Variants in ZNF337 observed in about 807,000 individuals in gnomAD.
ZNF337 encodes the protein zinc finger protein 337.
ZNF337 carries 8 observed loss-of-function variants against 12.1 expected under a neutral mutation model. The observed-to-expected ratio is 0.66, with a 90% CI of 0.39 to 1.19. The LOEUF is 1.19. ZNF337 is among the 50% of genes most tolerant of loss of function. The pLI is 0.01. For missense variants in ZNF337, 882 were observed against 896.6 expected, an observed-to-expected ratio of 0.98 and a Z score of 0.21; for synonymous variants, 336 against 320.0, an observed-to-expected ratio of 1.05 and a Z score of -0.53.
chr20:25,689,223 G>A (rs1032226810), intron 1 of ZNF337, among the ~76,000 whole-genome samples: 5 of 152,016 alleles, frequency 3.3e-5, no homozygotes, highest in Non-Finnish European at 7.4e-5. Context: ...AGAATGGTGT[G>A]AACGTGGGAG....
Position 25,674,776 on chromosome 20 carries a change from A to G in ZNF337, c.*256T>C. On this transcript the variant is annotated 3_prime_UTR_variant, in exon 5 of 5. Transcript: ENST00000252979. ...AATACAACAAGAATATGTGCTCAGTAGGAAAGAGACCACATTTCCCCAATA... is the reference window on the plus strand; with the variant it reads ...AATACAACAAGAATATGTGCTCAGTGGGAAAGAGACCACATTTCCCCAATA... 1.9e-6 allele frequency: 1 copy of G among 536,262 alleles called. No individual in the cohort carries two copies. Among genetic ancestry groups the G allele is most frequent in the Non-Finnish European group, 3.3e-6 (1 of 299,780 alleles). The allele number at this position is 536,262 out of a possible 1,614,324, so 33.2% of individuals were successfully genotyped here.
chr20:25,685,284 A>G (rs1018551294), intron 4 of ZNF337, among the ~76,000 whole-genome samples: 1 of 152,236 alleles, frequency 6.6e-6, no homozygotes, highest in African/African-American at 2.4e-5. Context: ...CAATAGACTT[A>G]GGCTTGCAGT....
At chr20:25,695,582 G>A (rs1415841632) in intron 1 of ZNF337, among the ~76,000 whole-genome samples, 1 of 152,136 alleles carries the variant, frequency 6.6e-6, no homozygotes, top group African/African-American at 2.4e-5. Context: ...GCAGGATCTC[G>A]CTGTGTTACC....
At chr20:25,690,019 C>A (rs1392977348) in intron 1 of ZNF337, among the ~76,000 whole-genome samples, 1 of 152,204 alleles carries the variant, frequency 6.6e-6, no homozygotes, top group East Asian at 1.9e-4. Flanking sequence ...GGCACAGTGG[C>A]TTATTCCTGT....
In ZNF337 at chr20:25,675,962, A is replaced by C; in HGVS notation, c.1326T>G (p.Ile442Met). ...GATGTTTCACAAGGGTTGACTTCTG[A>C]ATAAATCCTTGCCCACATTCTCTAC... ...FVCRECGQGF[I>M]QKSTLVKHQI... The change falls in exon 5 of 5, where the codon ATT (isoleucine) becomes ATG (methionine). Residue 442 changes from isoleucine to methionine, a missense_variant. Coordinates refer to ENST00000252979, the MANE Select transcript of ZNF337 (RefSeq NM_015655.4). The C allele has an allele frequency of 6.2e-7, 1 of 1,610,718 alleles. No individual in the cohort carries two copies. Among genetic ancestry groups the C allele is most frequent in the Non-Finnish European group, 8.5e-7 (1 of 1,178,674 alleles).
chr20:25,695,384 C>T (rs1014571263), intron 1 of ZNF337, among the ~76,000 whole-genome samples: 1 of 152,174 alleles, frequency 6.6e-6, no homozygotes, highest in African/African-American at 2.4e-5. Flanking sequence ...TTGATCTACG[C>T]AATCCCCTTA....
At chr20:25,682,204 G>A (rs887866119) in intron 4 of ZNF337, among the ~76,000 whole-genome samples, 9 of 152,184 alleles carry the variant, frequency 5.9e-5, no homozygotes, top group Middle Eastern at 3.4e-3. Context: ...AATATTAAAC[G>A]AAATAGATTA....
chr20:25,676,452 A>C lies in ZNF337; in HGVS notation c.836T>G (p.Leu279Arg). ...TGTGTGTGTTCTCTCATGCACAGTG[A>C]GGTATGACTTACTGGTATAGCCTCG... The part of the protein sequence containing the change: ...CGRGYTSKSY[L>R]TVHERTHTGE... The change falls in exon 5 of 5, where the codon CTC (leucine) becomes CGC (arginine). Residue 279 changes from leucine to arginine, a missense_variant. Physicochemically the swap from Leu to Arg is moderately radical, Grantham distance 102. Transcript: ENST00000252979. 6.2e-7 allele frequency: 1 copy of C among 1,613,880 alleles called. No individual in the cohort carries two copies. The highest frequency in any genetic ancestry group is 8.5e-7 in the Non-Finnish European group (1 of 1,179,980).
rs2122322792 is a variant in ZNF337, at chr20:25,674,965, C to T, written c.*67G>A. 6.8e-7 allele frequency: 1 copy of T among 1,460,966 alleles called. No homozygotes were observed. The highest frequency in any genetic ancestry group is 1.3e-5 in the South Asian group (1 of 78,036). 90.5% of individuals were successfully genotyped at this position (1,460,966 alleles called of 1,614,324 possible). A position where few individuals can be genotyped will look rare whatever the true frequency, so the allele number is the denominator to read the frequency against. On this transcript the variant is annotated 3_prime_UTR_variant, in exon 5 of 5. Coordinates refer to ENST00000252979, the MANE Select transcript of ZNF337 (RefSeq NM_015655.4). The stretch of plus-strand genomic sequence containing the variant: ...TCACGAACAAGTTATGCAGCCTCAA[C>T]TAAAGCTTGTAACAAAGCAAAGTTA...
Position 25,676,431 on chromosome 20 carries a change from T to C in ZNF337, c.857A>G (p.His286Arg). 1 of 1,614,208 alleles carries C rather than the reference T, an allele frequency of 6.2e-7. No individual in the cohort carries two copies. ...KSYLTVHERT[H>R]TGEKPYECQE... ...GCATTCATAAGGCTTCTCTCCTGTG[T>C]GTGTTCTCTCATGCACAGTGAGGTA... The change falls in exon 5 of 5, where the codon CAC (histidine) becomes CGC (arginine). Residue 286 changes from histidine (H) to arginine (R), a missense_variant. Transcript: ENST00000252979.
At chr20:25,692,922 A>G (rs2065893448) in intron 1 of ZNF337, among the ~76,000 whole-genome samples, 1 of 152,202 alleles carries the variant, frequency 6.6e-6, no homozygotes, top group African/African-American at 2.4e-5. Context: ...AGACTTCACT[A>G]TATACATTTC....
At position 25,675,504 on chromosome 20, in the gene ZNF337, G is replaced by A. The variant is rs2065670402; in HGVS notation, c.1784C>T (p.Ser595Leu). Residue 595 changes from serine to leucine, a missense_variant, in exon 5 of 5, where the codon TCA becomes TTA. Transcript: ENST00000252979. The part of the protein sequence containing the change: ...STLLFHQKTH[S>L]GEKPFICSEC... ...ACTACAGATGAAAGGCTTCTCCCCT[G>A]AGTGTGTCTTCTGGTGGAAGAGGAG... 6 of 1,614,092 alleles carry A rather than the reference G, an allele frequency of 3.7e-6. No homozygotes were observed. The highest frequency in any genetic ancestry group is 2.7e-5 in the African/African-American group (2 of 74,944).
intron 1 of ZNF337, among the ~76,000 whole-genome samples, chr20:25,691,680 G>A (rs1320231155): frequency 3.3e-5 from 5 of 152,118 alleles, no homozygotes; most frequent in Non-Finnish European, 1.5e-5. Flanking sequence ...AAATGGGGGT[G>A]GGGAGGGTAG....
In ZNF337 at chr20:25,692,850, T is replaced by C. The variant is rs534163157; in HGVS notation, c.-50+3909A>G. ...ATATTTCATTAAAATTCTCCTAAGATAAAAAAACAGCTCCTACATTTTTGG... is the reference window on the plus strand; with the variant it reads ...ATATTTCATTAAAATTCTCCTAAGACAAAAAAACAGCTCCTACATTTTTGG... On this transcript the variant is annotated intron_variant, in intron 1 of 4. Coordinates refer to ENST00000252979, the MANE Select transcript of ZNF337 (RefSeq NM_015655.4). Among the ~76,000 whole-genome samples the C allele has an allele frequency of 1.2e-4, 18 of 152,276 alleles. No individual in the cohort carries two copies. The East Asian group carries it at 3.5e-3, about 29-fold the overall frequency.
chr20:25,676,067 C>T lies in ZNF337; in HGVS notation c.1221G>A (p.Lys407=). ...TTTGGCTAAAGCTTCGCTCACAATC[C>T]TTGCACACAAAAGGCTTCTCCCCTG... is the stretch of plus-strand genomic sequence containing the variant. ...THSGEKPFVC[K]DCERSFSQKS... is the part of the protein sequence containing the mutation. Residue 407 remains lysine (K), a synonymous_variant, in exon 5 of 5, where the codon AAG becomes AAA. Transcript: ENST00000252979. The T allele has an allele frequency of 6.2e-7, 1 of 1,613,930 alleles. No homozygotes were observed. Among genetic ancestry groups the T allele is most frequent in the African/African-American group, 1.3e-5 (1 of 74,966 alleles).
chr20:25,679,880 T>G lies in ZNF337; in HGVS notation c.251-2843A>C, dbSNP rs1415048459. On this transcript the variant is annotated intron_variant, in intron 4 of 4. Transcript: ENST00000252979. Reference sequence around the variant, plus strand: ...CATGTTAACATTATTCACAATAGTCTAGATATGGAATTAACCTAAATGTCC... The same window carrying G: ...CATGTTAACATTATTCACAATAGTCGAGATATGGAATTAACCTAAATGTCC... Among the ~76,000 whole-genome samples, 5 of 152,100 alleles carry G rather than the reference T, an allele frequency of 3.3e-5. No individual in the cohort carries two copies. In the East Asian group the frequency reaches 9.6e-4, roughly 29 times the overall value.
chr20:25,696,208 G>A (rs1163965462), intron 1 of ZNF337, among the ~76,000 whole-genome samples: 1 of 151,262 alleles, frequency 6.6e-6, no homozygotes, highest in Non-Finnish European at 1.5e-5. Context: ...CAAAGCAGCG[G>A]CCCTTCCCCA....
intron 4 of ZNF337, among the ~76,000 whole-genome samples, chr20:25,679,673 G>T (rs770762165): frequency 6.6e-6 from 1 of 152,040 alleles, no homozygotes; most frequent in Non-Finnish European, 1.5e-5. Context: ...TAATGGCAAA[G>T]ATGCAGAAAA....
chr20:25,676,090 CTGAG>C lies in ZNF337; in HGVS notation c.1194_1197del (p.His398GlnfsTer50), dbSNP rs768338217. 6.8e-5 allele frequency: 109 copies of C among 1,613,922 alleles called. No homozygotes were observed. The highest frequency in any genetic ancestry group is 7.5e-5 in the Non-Finnish European group (89 of 1,179,970). On this transcript the variant is annotated frameshift_variant, in exon 5 of 5. Coordinates refer to ENST00000252979, the MANE Select transcript of ZNF337 (RefSeq NM_015655.4). LOFTEE classifies it low-confidence loss of function (END_TRUNC). ...TCCTTGCACACAAAAGGCTTCTCCC[CTGAG>C]TGTGTTCTCTGGTGTCTGAGGAGAC...
Sources: gnomAD v4.1 joint callset for allele counts (sites outside exome capture counted in the v4.1 genomes callset) on GRCh38, gnomAD v4.1.1 for gene constraint, MANE v1.5 for transcripts, NCBI Gene and HGNC (gene_info 2026-07-23, HGNC 2026-07-21) for gene names.